The following HPR variants were observed in gnomAD, a reference collection of about 807,000 sequenced individuals.
HPR encodes the protein Haptoglobin-related locus.
HPR carries 17 observed loss-of-function variants against 18.5 expected under a neutral mutation model. That is an observed-to-expected ratio of 0.92 (90% confidence interval 0.63 to 1.38). HPR has a LOEUF of 1.38. HPR is among the 40% of genes most tolerant of loss of function. The pLI is 0.00. For synonymous variants in HPR, 176 were observed against 165.0 expected, an observed-to-expected ratio of 1.07 and a Z score of -0.51; for missense variants, 457 against 432.4, an observed-to-expected ratio of 1.06 and a Z score of -0.51.
In HPR at chr16:72,075,228, T is replaced by C. The variant is rs1172905857; in HGVS notation, c.268+9T>C. ...TCCTGAATGTGAAGCAGGTGGGTGC[T>C]GAGCACTGAGCACTTAAGAGAGCAG... On this transcript the variant is annotated intron_variant, in intron 4 of 4. Coordinates refer to ENST00000540303, the MANE Select transcript of HPR (RefSeq NM_020995.4). 7.1e-7 allele frequency: 1 copy of C among 1,399,078 alleles called. No homozygotes were observed. Among genetic ancestry groups the C allele is most frequent in the Non-Finnish European group, 9.9e-7 (1 of 1,013,628 alleles). 86.7% of individuals were successfully genotyped at this position (1,399,078 alleles called of 1,614,324 possible).
chr16:72,073,436 A>G (rs1402611542), intron 1 of HPR, among the ~76,000 whole-genome samples: 1 of 152,160 alleles, frequency 6.6e-6, no homozygotes, highest in Admixed American at 6.5e-5. Context: ...GGAATAGCAT[A>G]CTAAGCCCTC....
intron 1 of HPR, among the ~76,000 whole-genome samples, chr16:72,066,764 G>A (rs2041602592): frequency 6.6e-6 from 1 of 152,136 alleles, no homozygotes; most frequent in Non-Finnish European, 1.5e-5. Context: ...TGAGAAAACC[G>A]ACCTCTAAGA....
At chr16:72,068,603 G>A (rs1317075139) in intron 1 of HPR, among the ~76,000 whole-genome samples, 1 of 152,154 alleles carries the variant, frequency 6.6e-6, no homozygotes, top group African/African-American at 2.4e-5. Flanking sequence ...GTGAAAAATG[G>A]GGTGGCTTTA....
chr16:72,073,162 G>T (rs904224422), intron 1 of HPR, among the ~76,000 whole-genome samples: 1 of 152,124 alleles, frequency 6.6e-6, no homozygotes, highest in African/African-American at 2.4e-5. Context: ...TAGATTGTAC[G>T]GTCCAACTCT....
At chr16:72,064,706 C>T (rs1336089883) in intron 1 of HPR, among the ~76,000 whole-genome samples, 1 of 152,180 alleles carries the variant, frequency 6.6e-6, no homozygotes, top group African/African-American at 2.4e-5. Flanking sequence ...GTAAATTTGC[C>T]TTGCTGAGAG....
At chr16:72,069,402 G>A (rs775164851) in intron 1 of HPR, among the ~76,000 whole-genome samples, 1 of 152,164 alleles carries the variant, frequency 6.6e-6, no homozygotes, top group Non-Finnish European at 1.5e-5. Context: ...CAAACAAGCT[G>A]CTGTTTCCTC....
At chr16:72,074,663 G>A in intron 3 of HPR, 3 of 709,000 alleles carry the variant, frequency 4.2e-6, no homozygotes, top group South Asian at 1.5e-5. Flanking sequence ...GCAGATGTGG[G>A]AAAAGAAGGA....
chr16:72,075,964 C>G (rs974098676), intron 4 of HPR, among the ~76,000 whole-genome samples: 1 of 151,866 alleles, frequency 6.6e-6, no homozygotes, highest in Non-Finnish European at 1.5e-5. Context: ...CGTGAGCCAC[C>G]GCATCTGGCC....
At chr16:72,068,806 C>T (rs1274212995) in intron 1 of HPR, among the ~76,000 whole-genome samples, 2 of 152,020 alleles carry the variant, frequency 1.3e-5, no homozygotes, top group Non-Finnish European at 2.9e-5. Flanking sequence ...AGTTAGAGAG[C>T]TATTTTAAAT....
At chr16:72,073,725 T>G in intron 1 of HPR, 167 bp from the exon 2 acceptor site, 1 of 1,535,426 alleles carries the variant, frequency 6.5e-7, no homozygotes, top group Non-Finnish European at 8.7e-7. Context: ...TCCTAGCACT[T>G]CCATATATTG....
intron 1 of HPR, among the ~76,000 whole-genome samples, chr16:72,064,622 T>C (rs1176767693): frequency 6.6e-6 from 1 of 152,210 alleles, no homozygotes; most frequent in Non-Finnish European, 1.5e-5. Context: ...GCGTTAGACA[T>C]AAAAACCTCT....
chr16:72,064,477 T>C (rs1198931294), intron 1 of HPR, among the ~76,000 whole-genome samples: 1 of 152,086 alleles, frequency 6.6e-6, no homozygotes, highest in Admixed American at 6.6e-5. Flanking sequence ...CAATAGCCTC[T>C]CCCACCAAAA....
In HPR at chr16:72,068,041, C is replaced by T. The variant is rs374194782; in HGVS notation, c.5+4781C>T. On this transcript the variant is annotated intron_variant, in intron 1 of 4. Transcript: ENST00000540303. Reference sequence around the variant, plus strand: ...CAATGGTATCAATGGACAGTCTTGCCTCAGGGGTTCATGGATTCACCCAAC... The same window carrying T: ...CAATGGTATCAATGGACAGTCTTGCTTCAGGGGTTCATGGATTCACCCAAC... Among the ~76,000 whole-genome samples, 37 of 152,288 alleles carry T rather than the reference C, an allele frequency of 2.4e-4. 2 individuals are homozygous for T. Among genetic ancestry groups the T allele is most frequent in the Admixed American group, 1.0e-3 (16 of 15,298 alleles).
chr16:72,072,922 T>C (rs1404361295), intron 1 of HPR, among the ~76,000 whole-genome samples: 2 of 152,204 alleles, frequency 1.3e-5, no homozygotes, highest in Non-Finnish European at 2.9e-5. Flanking sequence ...TCCTTGTTCT[T>C]TGCTCCCTGC....
intron 1 of HPR, 110 bp from the exon 2 acceptor site, chr16:72,073,782 G>T: frequency 6.3e-7 from 1 of 1,576,242 alleles, no homozygotes; most frequent in Non-Finnish European, 8.6e-7. Flanking sequence ...GTGTATGCAT[G>T]TGTGTGTGTG....
intron 1 of HPR, among the ~76,000 whole-genome samples, chr16:72,071,281 A>G (rs2041652538): frequency 6.6e-6 from 1 of 152,226 alleles, no homozygotes; most frequent in Admixed American, 6.5e-5. Flanking sequence ...GGATGTCAAG[A>G]TGCAAATGCT....
At position 72,074,461 on chromosome 16, in the gene HPR, G is replaced by A. The variant is rs1192678714; in HGVS notation, c.193+76G>A. On this transcript the variant is annotated intron_variant, in intron 3 of 4. Transcript: ENST00000540303. ...CATTTCCATGATGGGTGGTGCTGAGGTGATTTGCCAGAAAGTTCGTTGCTC... is the reference window on the plus strand; with the variant it reads ...CATTTCCATGATGGGTGGTGCTGAGATGATTTGCCAGAAAGTTCGTTGCTC... The A allele has an allele frequency of 4.6e-6, 6 of 1,302,992 alleles. No individual in the cohort carries two copies. The Admixed American group carries it at 8.4e-5, about 18-fold the overall frequency. The allele number at this position is 1,302,992 out of a possible 1,614,324, so 80.7% of individuals were successfully genotyped here.
chr16:72,065,097 G>T (rs1403958081), intron 1 of HPR, among the ~76,000 whole-genome samples: 2 of 152,198 alleles, frequency 1.3e-5, no homozygotes, highest in African/African-American at 4.8e-5. Flanking sequence ...TGTGTGGAGT[G>T]AATGAGTCCA....
chr16:72,068,304 C>T (rs997328221), intron 1 of HPR, among the ~76,000 whole-genome samples: 12 of 152,078 alleles, frequency 7.9e-5, no homozygotes, highest in African/African-American at 1.7e-4. Context: ...TGCGGGCAAG[C>T]GAAGGATAGG....
Sources: allele counts gnomAD v4.1 joint callset (sites outside exome capture counted in the v4.1 genomes callset), GRCh38; gene constraint gnomAD v4.1.1; transcripts MANE v1.5; gene names NCBI Gene and HGNC (gene_info 2026-07-23, HGNC 2026-07-21).